The following CDH13 variants were observed in gnomAD, a reference collection of about 807,000 sequenced individuals.
The protein encoded by CDH13 is cadherin 13.
In CDH13, 24 loss-of-function variants were observed where a neutral mutation model predicts 63.8. The observed-to-expected ratio is 0.38, with a 90% CI of 0.27 to 0.53. The LOEUF is 0.53. CDH13 is among the 20% of genes least tolerant of loss of function. The pLI, the probability that CDH13 is intolerant of heterozygous loss-of-function variation, is 0.85. For synonymous variants in CDH13, 503 were observed against 355.3 expected, an observed-to-expected ratio of 1.42 and a Z score of -4.67; for missense variants, 1,049 against 903.1, an observed-to-expected ratio of 1.16 and a Z score of -2.07.
chr16:83,615,810 C>T (rs1321050862), intron 8 of CDH13, among the ~76,000 whole-genome samples: 1 of 152,210 alleles, frequency 6.6e-6, no homozygotes, highest in Non-Finnish European at 1.5e-5. Flanking sequence ...AGATCATCTA[C>T]TGCAAATTGC....
chr16:83,304,892 G>C (rs909539913), intron 5 of CDH13, among the ~76,000 whole-genome samples: 2 of 152,160 alleles, frequency 1.3e-5, no homozygotes, highest in Non-Finnish European at 2.9e-5. Context: ...TGTGTGTGTA[G>C]TGTGTAGTTT....
intron 3 of CDH13, among the ~76,000 whole-genome samples, chr16:83,083,871 T>C (rs72796266): frequency 0.033 from 5,094 of 152,306 alleles, 111 homozygotes; most frequent in South Asian, 0.11. Flanking sequence ...TCCCAAGTTA[T>C]GTTTTATTAG....
intron 2 of CDH13, among the ~76,000 whole-genome samples, chr16:82,909,348 A>G (rs2041753055): frequency 6.6e-6 from 1 of 151,756 alleles, no homozygotes; most frequent in African/African-American, 2.4e-5. Flanking sequence ...TAATTATGTG[A>G]GGTAAATAAA....
chr16:82,739,850 T>C (rs968439088), intron 1 of CDH13, among the ~76,000 whole-genome samples: 1 of 152,220 alleles, frequency 6.6e-6, no homozygotes, highest in African/African-American at 2.4e-5. Flanking sequence ...TTGTGTAATC[T>C]CTTTTAACTT....
At chr16:82,688,694 C>T (rs1329270934) in intron 1 of CDH13, among the ~76,000 whole-genome samples, 1 of 151,614 alleles carries the variant, frequency 6.6e-6, no homozygotes, top group Non-Finnish European at 1.5e-5. Context: ...ATCAAGTGAG[C>T]ATTCAATTAT....
intron 7 of CDH13, among the ~76,000 whole-genome samples, chr16:83,585,172 G>A (rs996015806): frequency 6.6e-6 from 1 of 152,172 alleles, no homozygotes; most frequent in Non-Finnish European, 1.5e-5. Context: ...AGCTGGCGTG[G>A]GTGGCCTTCC....
intron 6 of CDH13, among the ~76,000 whole-genome samples, chr16:83,383,434 A>G (rs2091609998): frequency 6.6e-6 from 1 of 152,126 alleles, no homozygotes; most frequent in African/African-American, 2.4e-5. Flanking sequence ...ACCTCAACTC[A>G]CAAGCCTTGA....
chr16:82,644,079 G>A lies in CDH13; in HGVS notation c.45+16942G>A, dbSNP rs753497287. Among the ~76,000 whole-genome samples, 22 of 152,204 alleles carry A rather than the reference G, an allele frequency of 1.4e-4. 1 individual carries two copies. Among genetic ancestry groups the A allele is most frequent in the Admixed American group, 2.0e-4 (3 of 15,294 alleles). ...GGGGGGTGGTATGGAGGTCGGGTGGGGAGAAAGAGGAGAGAAATCTAATTG... is the reference window on the plus strand; with the variant it reads ...GGGGGGTGGTATGGAGGTCGGGTGGAGAGAAAGAGGAGAGAAATCTAATTG... On this transcript the variant is annotated intron_variant, in intron 1 of 13. Coordinates refer to ENST00000567109, the MANE Select transcript of CDH13 (RefSeq NM_001257.5). This position sits in a 1 kb window ranked among gnomAD's most constrained non-coding sequence, Gnocchi z 5.7.
chr16:82,842,135 TATAC>T (rs1196023907), intron 1 of CDH13, among the ~76,000 whole-genome samples: 494 of 49,006 alleles, frequency 0.01, 13 homozygotes, highest in Non-Finnish European at 0.013. Flanking sequence ...TATATATATA[TATAC>T]ACATATATAT....
chr16:83,426,503 A>G (rs890172062), intron 6 of CDH13, among the ~76,000 whole-genome samples: 77 of 123,534 alleles, frequency 6.2e-4, no homozygotes, highest in Non-Finnish European at 5.2e-5. Context: ...ACTCCCATGG[A>G]AACAATCACA....
intron 3 of CDH13, among the ~76,000 whole-genome samples, chr16:83,070,904 T>G (rs891987671): frequency 7.0e-6 from 1 of 143,170 alleles, no homozygotes; most frequent in African/African-American, 2.5e-5. Flanking sequence ...AGTTTATTTA[T>G]TGCTCATGAT....
chr16:82,812,740 G>A (rs908929405), intron 1 of CDH13, among the ~76,000 whole-genome samples: 2 of 152,132 alleles, frequency 1.3e-5, no homozygotes, highest in African/African-American at 2.4e-5. Context: ...GAAGTAGTTG[G>A]AGGTGGATGT....
chr16:83,650,755 G>C (rs184492459), intron 8 of CDH13, among the ~76,000 whole-genome samples: 4 of 152,202 alleles, frequency 2.6e-5, no homozygotes, highest in Non-Finnish European at 5.9e-5. Flanking sequence ...GTGAGATTAG[G>C]ATTACGATTA....
intron 1 of CDH13, among the ~76,000 whole-genome samples, chr16:82,739,192 G>A (rs991001863): frequency 6.6e-6 from 1 of 151,346 alleles, no homozygotes; most frequent in Non-Finnish European, 1.5e-5. Flanking sequence ...AACCAGATGT[G>A]ATTTTACTAT....
intron 5 of CDH13, among the ~76,000 whole-genome samples, chr16:83,309,632 C>T (rs1015911079): frequency 6.6e-6 from 1 of 152,230 alleles, no homozygotes; most frequent in Non-Finnish European, 1.5e-5. Flanking sequence ...ACCTTGGCCT[C>T]CCCAAGTGCT....
At chr16:83,334,851 C>T (rs138601763) in intron 5 of CDH13, among the ~76,000 whole-genome samples, 210 of 152,224 alleles carry the variant, frequency 1.4e-3, no homozygotes, top group Non-Finnish European at 2.5e-3. Flanking sequence ...TACTCTTACC[C>T]ACACATCGTG....
chr16:82,863,757 G>T (rs1047934008), intron 2 of CDH13, among the ~76,000 whole-genome samples: 1 of 152,086 alleles, frequency 6.6e-6, no homozygotes, highest in African/African-American at 2.4e-5. Context: ...TCTGAAATTG[G>T]CTTTAAGAAG....
chr16:82,966,234 C>T (rs1450730871), intron 2 of CDH13, among the ~76,000 whole-genome samples: 1 of 152,134 alleles, frequency 6.6e-6, no homozygotes, highest in Non-Finnish European at 1.5e-5. Context: ...TGGCAACCTC[C>T]GCCTCCCGGG....
At chr16:83,705,141 A>T (rs1430235527) in intron 10 of CDH13, among the ~76,000 whole-genome samples, 1 of 152,198 alleles carries the variant, frequency 6.6e-6, no homozygotes, top group South Asian at 2.1e-4. Flanking sequence ...ATTTAAGGTC[A>T]TTTGAGGTAA....
Sources: gnomAD v4.1 joint callset for allele counts (sites outside exome capture counted in the v4.1 genomes callset) on GRCh38, gnomAD v4.1.1 for gene constraint, Gnocchi (gnomAD v3.1) non-coding constraint, MANE v1.5 for transcripts, NCBI Gene and HGNC (gene_info 2026-07-23, HGNC 2026-07-21) for gene names.